The following BLVRA variants were observed in gnomAD, a reference collection of about 807,000 sequenced individuals.
The protein encoded by BLVRA is biliverdin reductase A, also known as BVR A.
In BLVRA, 22 loss-of-function variants were observed where a neutral mutation model predicts 32.8. That is an observed-to-expected ratio of 0.67 (90% CI 0.48 to 0.96). BLVRA has a LOEUF of 0.96. BLVRA is among the 40% of genes least tolerant of loss of function. The pLI, the probability that BLVRA is intolerant of heterozygous loss-of-function variation, is 0.00. For missense variants in BLVRA, 323 were observed against 358.1 expected, an observed-to-expected ratio of 0.90 and a Z score of 0.79; for synonymous variants, 119 against 141.3, an observed-to-expected ratio of 0.84 and a Z score of 1.12.
intron 5 of BLVRA, among the ~76,000 whole-genome samples, chr7:43,797,833 C>T (rs2095794425): frequency 6.6e-6 from 1 of 151,794 alleles, no homozygotes; most frequent in South Asian, 2.1e-4. Flanking sequence ...GTAAAATGTC[C>T]CTAAATTTGA....
chr7:43,791,099 A>T, intron 3 of BLVRA, 150 bp from the exon 4 acceptor site: 1 of 1,427,852 alleles, frequency 7.0e-7, no homozygotes. Context: ...CTCACTCCAC[A>T]ATGGAAAATA....
intron 2 of BLVRA, among the ~76,000 whole-genome samples, chr7:43,784,958 C>T (rs2095775267): frequency 1.3e-5 from 2 of 152,074 alleles, no homozygotes; most frequent in African/African-American, 4.8e-5. Context: ...GCAGTAATAT[C>T]GAAACCAAAT....
At chr7:43,774,193 T>C (rs1585717443) in intron 2 of BLVRA, among the ~76,000 whole-genome samples, 1 of 152,230 alleles carries the variant, frequency 6.6e-6, no homozygotes, top group Non-Finnish European at 1.5e-5. Flanking sequence ...CTTTTGGTGT[T>C]TTAGACATGA....
chr7:43,798,821 A>G (rs2095795579), intron 5 of BLVRA, among the ~76,000 whole-genome samples: 1 of 152,172 alleles, frequency 6.6e-6, no homozygotes, highest in African/African-American at 2.4e-5. Context: ...TGTGGTTACC[A>G]TGTGTGTTTA....
intron 2 of BLVRA, among the ~76,000 whole-genome samples, chr7:43,784,833 T>A (rs1429252399): frequency 6.6e-6 from 1 of 152,104 alleles, no homozygotes; most frequent in African/African-American, 2.4e-5. Flanking sequence ...GTCTGGAAAC[T>A]CCTGACCTCA....
chr7:43,765,164 C>A lies in BLVRA; in HGVS notation c.-21-5974C>A, dbSNP rs549322748. Among the ~76,000 whole-genome samples, 4 of 152,322 alleles carry A rather than the reference C, an allele frequency of 2.6e-5. No homozygotes were observed. The East Asian group carries it at 7.7e-4, about 29-fold the overall frequency. On this transcript the variant is annotated intron_variant, in intron 1 of 7. Coordinates refer to ENST00000265523, the MANE Select transcript of BLVRA (RefSeq NM_000712.4). ...TTTCTGCAAAGGTGTTGACTTTTTT[C>A]TTTCAACTTTCTAGTGAGTCACTGC... is the stretch of plus-strand genomic sequence containing the variant.
intron 7 of BLVRA, among the ~76,000 whole-genome samples, chr7:43,805,722 AT>A (rs1292090295): frequency 6.6e-6 from 1 of 151,842 alleles, no homozygotes; most frequent in Non-Finnish European, 1.5e-5. Context: ...TTTTTTATCT[AT>A]TTATTTATTT....
intron 1 of BLVRA, among the ~76,000 whole-genome samples, chr7:43,765,466 C>T (rs980510566): frequency 1.2e-4 from 18 of 152,154 alleles, no homozygotes; most frequent in African/African-American, 3.9e-4. Context: ...TGGCCAGGCT[C>T]GTCTTGAACT....
At chr7:43,774,109 A>G (rs2095757750) in intron 2 of BLVRA, among the ~76,000 whole-genome samples, 1 of 152,030 alleles carries the variant, frequency 6.6e-6, no homozygotes, top group South Asian at 2.1e-4. Context: ...CTCTGATGGT[A>G]GTTTCTTTTG....
At chr7:43,796,170 C>T (rs2095792695) in intron 5 of BLVRA, among the ~76,000 whole-genome samples, 1 of 148,306 alleles carries the variant, frequency 6.7e-6, no homozygotes, top group Non-Finnish European at 1.5e-5. Flanking sequence ...AGAGTAAAGA[C>T]TCAAACTAAA....
Position 43,787,921 on chromosome 7 carries a change from C to G in BLVRA, c.30C>G (p.Gly10=). The change falls in exon 3 of 8, where the codon GGC becomes GGG. Residue 10 remains glycine (G), a synonymous_variant. Transcript: ENST00000265523. The surrounding 1 kb of genome is among the most constrained non-coding windows in gnomAD (Gnocchi z 4.5). The stretch of plus-strand genomic sequence containing the variant: ...TGTTTCAGCCCGAGAGGAAGTTTGG[C>G]GTGGTGGTGGTTGGTGTTGGCCGAG... MNAEPERKF[G]VVVVGVGRAG... The G allele has an allele frequency of 2.5e-6, 4 of 1,614,110 alleles. No individual in the cohort carries two copies. Among genetic ancestry groups the G allele is most frequent in the Non-Finnish European group, 3.4e-6 (4 of 1,180,026 alleles).
intron 2 of BLVRA, among the ~76,000 whole-genome samples, chr7:43,782,917 GA>G (rs1400384841): frequency 6.6e-6 from 1 of 152,024 alleles, no homozygotes; most frequent in Non-Finnish European, 1.5e-5. Flanking sequence ...GGAGGTATGG[GA>G]GTGAAAACCA....
chr7:43,784,752 C>T (rs189602205), intron 2 of BLVRA, among the ~76,000 whole-genome samples: 64 of 152,022 alleles, frequency 4.2e-4, no homozygotes, highest in East Asian at 3.1e-3. Context: ...TACAGGCACC[C>T]GCCACCACCA....
At position 43,805,687 on chromosome 7, in the gene BLVRA, C is replaced by T. The variant is rs773076186; in HGVS notation, c.633-1290C>T. 2.0e-4 allele frequency among the ~76,000 whole-genome samples: 30 copies of T among 152,084 alleles called. 1 individual carries two copies. Among genetic ancestry groups the T allele is most frequent in the Admixed American group, 9.8e-4 (15 of 15,246 alleles). The stretch of plus-strand genomic sequence containing the variant: ...AACTTCTTAAAATCATAGTACTTTC[C>T]GTGTCCCAAATTGCATTTTTAAATT... On this transcript the variant is annotated intron_variant, in intron 7 of 7. Coordinates refer to ENST00000265523, the MANE Select transcript of BLVRA (RefSeq NM_000712.4).
At chr7:43,800,779 C>T (rs1418073163) in intron 6 of BLVRA, among the ~76,000 whole-genome samples, 1 of 152,114 alleles carries the variant, frequency 6.6e-6, no homozygotes, top group African/African-American at 2.4e-5. Flanking sequence ...TGTGCTCTGT[C>T]CCAACCTATT....
At chr7:43,769,735 G>C (rs1309916135) in intron 1 of BLVRA, among the ~76,000 whole-genome samples, 1 of 151,990 alleles carries the variant, frequency 6.6e-6, no homozygotes, top group Non-Finnish European at 1.5e-5. Flanking sequence ...AGCCTCCCGA[G>C]TAGGTGGGAA....
chr7:43,769,393 G>C (rs2132549297), intron 1 of BLVRA, among the ~76,000 whole-genome samples: 1 of 152,216 alleles, frequency 6.6e-6, no homozygotes, highest in South Asian at 2.1e-4. Flanking sequence ...GATCTGAGAA[G>C]AAAGTCCACT....
chr7:43,758,246 G>A (rs1374376630), upstream of BLVRA, among the ~76,000 whole-genome samples: 1 of 152,156 alleles, frequency 6.6e-6, no homozygotes, highest in Admixed American at 6.5e-5. Context: ...CAGTCGGCCC[G>A]GGGCCACTAA....
chr7:43,770,516 G>A (rs889130543), intron 1 of BLVRA, among the ~76,000 whole-genome samples: 1 of 152,086 alleles, frequency 6.6e-6, no homozygotes, highest in Non-Finnish European at 1.5e-5. Flanking sequence ...AATCCTAGGG[G>A]TACATTAAAG....
Sources: allele counts gnomAD v4.1 joint callset (sites outside exome capture counted in the v4.1 genomes callset), GRCh38; gene constraint gnomAD v4.1.1; non-coding constraint Gnocchi (gnomAD v3.1); transcripts MANE v1.5; gene names NCBI Gene and HGNC (gene_info 2026-07-23, HGNC 2026-07-21).